CTDSPL2: variants seen among roughly 807,000 people sequenced by gnomAD.
CTDSPL2 encodes the protein CTD small phosphatase-like protein 2.
A neutral mutation model predicts 60.0 loss-of-function variants in CTDSPL2; 5 were observed. That is an observed-to-expected ratio of 0.08 (90% CI 0.04 to 0.18). The LOEUF (loss-of-function observed/expected upper bound fraction) is 0.18. CTDSPL2 is among the 10% of genes least tolerant of loss of function. The probability of loss-of-function intolerance (pLI) is 1.00; values close to 1 mark genes in which losing one functional copy is unlikely to be tolerated. For missense variants in CTDSPL2, 370 were observed against 548.8 expected (o/e 0.67, Z 3.26); for synonymous variants, 186 against 189.3 (o/e 0.98, Z 0.14).
At chr15:44,523,125 T>C (rs2081811628) in intron 12 of CTDSPL2, among the ~76,000 whole-genome samples, 1 of 152,080 alleles carries the variant, frequency 6.6e-6, no homozygotes, top group Admixed American at 6.5e-5. Context: ...GTCTTCCAAG[T>C]AGCTGGGATT....
intron 2 of CTDSPL2, among the ~76,000 whole-genome samples, chr15:44,479,405 T>TC (rs1223138079): frequency 6.9e-6 from 1 of 145,026 alleles, no homozygotes; most frequent in East Asian, 2.1e-4. Flanking sequence ...ATATTTTCTT[T>TC]CCTTTTTTTT....
chr15:44,453,842 T>A (rs1223108266), intron 1 of CTDSPL2, among the ~76,000 whole-genome samples: 1 of 152,150 alleles, frequency 6.6e-6, no homozygotes, highest in Non-Finnish European at 1.5e-5. Context: ...ACATTTGGGT[T>A]GGTTCCAAGT....
chr15:44,462,459 C>T (rs2080590931), intron 2 of CTDSPL2, among the ~76,000 whole-genome samples: 2 of 152,110 alleles, frequency 1.3e-5, no homozygotes, highest in Admixed American at 6.6e-5. Context: ...CTCAGATCAT[C>T]AGGCATCAGA....
At chr15:44,452,732 A>G (rs914823752) in intron 1 of CTDSPL2, among the ~76,000 whole-genome samples, 2 of 152,034 alleles carry the variant, frequency 1.3e-5, no homozygotes, top group Admixed American at 6.6e-5. Context: ...AATTTTTGCC[A>G]TTTTAGGAGG....
chr15:44,461,347 A>T (rs2080564422), intron 2 of CTDSPL2, among the ~76,000 whole-genome samples: 1 of 152,170 alleles, frequency 6.6e-6, no homozygotes, highest in Non-Finnish European at 1.5e-5. Flanking sequence ...TAACATAAAC[A>T]ATCATTCAAC....
At chr15:44,474,580 G>A (rs2080877307) in intron 2 of CTDSPL2, among the ~76,000 whole-genome samples, 1 of 152,184 alleles carries the variant, frequency 6.6e-6, no homozygotes, top group African/African-American at 2.4e-5. Context: ...AATGGGCCAG[G>A]CTTGGTGGCT....
intron 8 of CTDSPL2, among the ~76,000 whole-genome samples, chr15:44,512,867 A>G (rs2081588820): frequency 6.6e-6 from 1 of 150,740 alleles, no homozygotes; most frequent in Non-Finnish European, 1.5e-5. Flanking sequence ...CAGGCAGATC[A>G]CTTGAGGTTA....
At position 44,471,039 on chromosome 15, in the gene CTDSPL2, C is replaced by T. The variant is rs554322243; in HGVS notation, c.186+11839C>T. Among the ~76,000 whole-genome samples, 5 of 152,238 alleles carry T rather than the reference C, an allele frequency of 3.3e-5. No individual in the cohort carries two copies. In the East Asian group the frequency reaches 9.7e-4, roughly 29 times the overall value. On this transcript the variant is annotated intron_variant, in intron 2 of 12. Transcript: ENST00000260327. ...GACCAAAAAGTATCCTTATTTTATA[C>T]CCAACATCACCTGAGACAACCACTG...
chr15:44,518,953 G>A (rs571149137), intron 10 of CTDSPL2: 28 of 313,228 alleles, frequency 8.9e-5, no homozygotes, highest in African/African-American at 5.8e-4. Context: ...GTTCTTTAAG[G>A]CATAGTAATA....
Position 44,524,234 on chromosome 15 carries a change from A to T in CTDSPL2, c.*60A>T. On this transcript the variant is annotated 3_prime_UTR_variant, in exon 13 of 13. Coordinates refer to ENST00000260327, the MANE Select transcript of CTDSPL2 (RefSeq NM_016396.3). ...GAATGCAGGACCCTTTTGGACTAAG[A>T]CAAAAACATTGCCATTACTGTTGAA... The T allele has an allele frequency of 7.2e-7, 1 of 1,390,070 alleles. No homozygotes were observed. The highest frequency in any genetic ancestry group is 2.3e-5 in the East Asian group (1 of 43,828). 86.1% of individuals were successfully genotyped at this position (1,390,070 alleles called of 1,614,324 possible).
intron 1 of CTDSPL2, chr15:44,449,198 GT>G: frequency 3.5e-6 from 1 of 287,748 alleles, no homozygotes; most frequent in South Asian, 4.3e-5. Context: ...TAGCCATCAC[GT>G]TTTGCATTGC....
chr15:44,468,835 A>G (rs1266452377), intron 2 of CTDSPL2, among the ~76,000 whole-genome samples: 1 of 152,192 alleles, frequency 6.6e-6, no homozygotes, highest in East Asian at 1.9e-4. Context: ...GTTTTAAATT[A>G]GTCACCTTTC....
rs2081853814 is a variant in CTDSPL2, at chr15:44,525,210, C to T, written c.*1036C>T. 1.5e-5 allele frequency: 6 copies of T among 391,120 alleles called. No individual in the cohort carries two copies. Among genetic ancestry groups the T allele is most frequent in the Non-Finnish European group, 2.7e-5 (6 of 221,300 alleles). 24.2% of individuals were successfully genotyped at this position (391,120 alleles called of 1,614,324 possible). ...GCTGGTAGTACCTCTGTTATGCTCT[C>T]AGTTACAATCAATTTAAAACTGTAT... is the stretch of plus-strand genomic sequence containing the variant. On this transcript the variant is annotated 3_prime_UTR_variant, in exon 13 of 13. Coordinates refer to ENST00000260327, the MANE Select transcript of CTDSPL2 (RefSeq NM_016396.3).
At chr15:44,438,781 A>G (rs970058088) in intron 1 of CTDSPL2, among the ~76,000 whole-genome samples, 50 of 152,146 alleles carry the variant, frequency 3.3e-4, no homozygotes, top group African/African-American at 1.2e-3. Flanking sequence ...TGCAGTTTAT[A>G]ATGAACATTT....
chr15:44,523,926 T>C (rs967008784), intron 12 of CTDSPL2, among the ~76,000 whole-genome samples, 183 bp from the exon 13 acceptor site: 1 of 152,134 alleles, frequency 6.6e-6, no homozygotes, highest in African/African-American at 2.4e-5. Context: ...AAAAGAAATC[T>C]TCAACGAAAT....
intron 1 of CTDSPL2, among the ~76,000 whole-genome samples, chr15:44,434,221 G>A (rs188120742): frequency 0.013 from 1,960 of 151,704 alleles, 52 homozygotes; most frequent in African/African-American, 0.046. Flanking sequence ...CCAACATGGC[G>A]AAACCCCATC....
At chr15:44,493,961 C>T (rs2081257118) in intron 5 of CTDSPL2, among the ~76,000 whole-genome samples, 1 of 152,006 alleles carries the variant, frequency 6.6e-6, no homozygotes, top group Non-Finnish European at 1.5e-5. Context: ...TGGACATACA[C>T]ACCACGTTGA....
In CTDSPL2 at chr15:44,527,031, C is replaced by T. The variant is rs1197797872; in HGVS notation, c.*2857C>T. 1 of 152,532 alleles carries T rather than the reference C, an allele frequency of 6.6e-6. No homozygotes were observed. Among genetic ancestry groups the T allele is most frequent in the African/African-American group, 2.4e-5 (1 of 41,416 alleles). 9.4% of individuals were successfully genotyped at this position (152,532 alleles called of 1,614,324 possible). On this transcript the variant is annotated 3_prime_UTR_variant, in exon 13 of 13. Coordinates refer to ENST00000260327, the MANE Select transcript of CTDSPL2 (RefSeq NM_016396.3). ...AATTCCATGTAATATATGTAGCCCT[C>T]ATCAGATTTATATCACCATATTTCT...
intron 2 of CTDSPL2, among the ~76,000 whole-genome samples, chr15:44,481,047 A>G (rs1446909777): frequency 6.6e-6 from 1 of 152,000 alleles, no homozygotes; most frequent in Non-Finnish European, 1.5e-5. Flanking sequence ...TCAGAATTGG[A>G]TCATCAGGCT....
Sources: gnomAD v4.1 joint callset for allele counts (sites outside exome capture counted in the v4.1 genomes callset) on GRCh38, gnomAD v4.1.1 for gene constraint, MANE v1.5 for transcripts, NCBI Gene and HGNC (gene_info 2026-07-23, HGNC 2026-07-21) for gene names.